Variants in SMPDL3A observed in about 807,000 individuals in gnomAD.
SMPDL3A encodes sphingomyelin phosphodiesterase acid like 3A.
SMPDL3A carries 39 observed loss-of-function variants against 38.5 expected under a neutral mutation model. The observed-to-expected ratio is 1.01, with a 90% CI of 0.78 to 1.32. The LOEUF (loss-of-function observed/expected upper bound fraction) is 1.32. SMPDL3A is among the 40% of genes most tolerant of loss of function. SMPDL3A has a pLI of 0.00. For synonymous variants in SMPDL3A, 180 were observed against 194.3 expected, an observed-to-expected ratio of 0.93 and a Z score of 0.61; for missense variants, 502 against 536.2, an observed-to-expected ratio of 0.94 and a Z score of 0.63.
In SMPDL3A at chr6:122,809,435, A is replaced by G. The variant is rs1244155528; in HGVS notation, c.*27A>G. On this transcript the variant is annotated 3_prime_UTR_variant, in exon 8 of 8. Coordinates refer to ENST00000368440, the MANE Select transcript of SMPDL3A (RefSeq NM_006714.5). Reference sequence around the variant, plus strand: ...ATTTCACAGTTTTTGCTAATAGAAAATGCTGATTCTGATTCTGAGATCAAT... The same window carrying G: ...ATTTCACAGTTTTTGCTAATAGAAAGTGCTGATTCTGATTCTGAGATCAAT... 3 of 1,500,266 alleles carry G rather than the reference A, an allele frequency of 2.0e-6. No individual in the cohort carries two copies. Among genetic ancestry groups the G allele is most frequent in the East Asian group, 2.3e-5 (1 of 43,926 alleles). 92.9% of individuals were successfully genotyped at this position (1,500,266 alleles called of 1,614,324 possible). A position where few individuals can be genotyped will look rare whatever the true frequency, so the allele number is the denominator to read the frequency against.
At chr6:122,790,934 T>TTCC in intron 1 of SMPDL3A, among the ~76,000 whole-genome samples, 1 of 152,290 alleles carries the variant, frequency 6.6e-6, no homozygotes, top group South Asian at 2.1e-4. Context: ...GAAGAGGGGT[T>TTCC]ACTGGAGTTC....
At chr6:122,794,965 C>G (rs1339331978) in intron 1 of SMPDL3A, among the ~76,000 whole-genome samples, 8 of 152,142 alleles carry the variant, frequency 5.3e-5, no homozygotes. Flanking sequence ...AATTTTTCTA[C>G]AAGAAGAATG....
chr6:122,797,399 A>T (rs1380067368), intron 3 of SMPDL3A: 1 of 99,680 alleles, frequency 1.0e-5, no homozygotes, highest in Non-Finnish European at 2.2e-5. Context: ...GCTAGACTGT[A>T]AATAAAAACA....
chr6:122,809,617 T>G lies in SMPDL3A; in HGVS notation c.*209T>G. The G allele has an allele frequency of 2.4e-6, 1 of 416,608 alleles. No homozygotes were observed. The allele number at this position is 416,608 out of a possible 1,614,324, so 25.8% of individuals were successfully genotyped here. A position where few individuals can be genotyped will look rare whatever the true frequency, so the allele number is the denominator to read the frequency against. ...TTTAAAGTGCTCATTAATAGAATGA[T>G]GGATGTAAATTGGATGTAAATATTC... On this transcript the variant is annotated 3_prime_UTR_variant, in exon 8 of 8. Transcript: ENST00000368440.
intron 4 of SMPDL3A, among the ~76,000 whole-genome samples, chr6:122,801,826 G>A (rs1298783606): frequency 6.6e-6 from 1 of 152,208 alleles, no homozygotes; most frequent in Non-Finnish European, 1.5e-5. Flanking sequence ...ACTTTGAGGT[G>A]CTTGGGAAAG....
chr6:122,798,124 T>G (rs1781312091), intron 3 of SMPDL3A, among the ~76,000 whole-genome samples: 1 of 152,220 alleles, frequency 6.6e-6, no homozygotes. Context: ...GTTTTGATTA[T>G]TTTTAGTTAA....
chr6:122,808,632 TTCCTTCCTTCCCCCCCTCC>T (rs778184479), intron 7 of SMPDL3A, among the ~76,000 whole-genome samples: 18,984 of 82,020 alleles, frequency 0.23, 1,683 homozygotes, highest in East Asian at 0.47. Context: ...CCTTCCTTCC[TTCCTTCCTTCCCCCCCTCC>T]TCCCCCCTCC....
chr6:122,792,236 T>G (rs1781101565), intron 1 of SMPDL3A, among the ~76,000 whole-genome samples: 1 of 152,214 alleles, frequency 6.6e-6, no homozygotes. Flanking sequence ...TAAAGACATC[T>G]TTCAGTGAAT....
intron 1 of SMPDL3A, among the ~76,000 whole-genome samples, chr6:122,791,920 C>G (rs1001734106): frequency 2.0e-5 from 3 of 152,196 alleles, no homozygotes; most frequent in African/African-American, 7.2e-5. Flanking sequence ...GTCTCAATTT[C>G]CTGACCTCGT....
intron 4 of SMPDL3A, among the ~76,000 whole-genome samples, 184 bp downstream of exon 4, chr6:122,801,590 T>G (rs1205126811): frequency 6.6e-6 from 1 of 152,220 alleles, no homozygotes; most frequent in Non-Finnish European, 1.5e-5. Context: ...TGCAGGGAGC[T>G]CTTCCTGTTT....
intron 4 of SMPDL3A, 102 bp from the exon 5 acceptor site, chr6:122,803,562 C>T: frequency 1.3e-6 from 1 of 792,638 alleles, no homozygotes; most frequent in African/African-American, 1.7e-5. Flanking sequence ...GAGAAATAAG[C>T]ACCAACCTCC....
rs756885402 is a variant in SMPDL3A at position 122,806,279 on chromosome 6, G to T, written c.966G>T (p.Val322=). The change falls in exon 7 of 8, where the codon GTG becomes GTT. Residue 322 remains valine (V), a synonymous_variant. Coordinates refer to ENST00000368440, the MANE Select transcript of SMPDL3A (RefSeq NM_006714.5). ...SLFVAPAVTP[V]KSVLEKQTNN... is the part of the protein sequence containing the mutation. ...TTGTGGCTCCTGCTGTTACACCAGT[G>T]AAGAGTGTTTTAGAAAAACAGACCA... is the stretch of plus-strand genomic sequence containing the variant. The T allele has an allele frequency of 6.2e-7, 1 of 1,613,406 alleles. No individual in the cohort carries two copies. The highest frequency in any genetic ancestry group is 1.1e-5 in the South Asian group (1 of 91,006).
intron 7 of SMPDL3A, 108 bp downstream of exon 7, chr6:122,806,465 T>C (rs189083444): frequency 9.0e-7 from 1 of 1,108,596 alleles, no homozygotes; most frequent in African/African-American, 1.6e-5. Flanking sequence ...GTATTTTATG[T>C]TGAAATCTCC....
At chr6:122,807,194 C>G (rs191423140) in intron 7 of SMPDL3A, among the ~76,000 whole-genome samples, 2 of 152,076 alleles carry the variant, frequency 1.3e-5, no homozygotes, top group East Asian at 3.9e-4. Flanking sequence ...AGCCACTGGG[C>G]ACACCCAAAA....
At chr6:122,795,575 T>A (rs1196119818) in intron 1 of SMPDL3A, 102 bp from the exon 2 acceptor site, 1 of 830,262 alleles carries the variant, frequency 1.2e-6, no homozygotes, top group Non-Finnish European at 1.9e-6. Context: ...CTTTCCTCCA[T>A]CACAGGGAGG....
intron 1 of SMPDL3A, among the ~76,000 whole-genome samples, chr6:122,793,539 C>T (rs1036780850): frequency 1.3e-4 from 20 of 152,110 alleles, no homozygotes; most frequent in African/African-American, 4.6e-4. Flanking sequence ...ACTTTTTGTG[C>T]TGGGTAAAGT....
chr6:122,801,406 G>A lies in SMPDL3A; in HGVS notation c.568G>A (p.Gly190Ser), dbSNP rs1030327791. The A allele has an allele frequency of 1.9e-6, 3 of 1,588,150 alleles. No individual in the cohort carries two copies. ...DEEAISTLRK[G>S]GFYSQKVTTN... ...AGAAGCTATTAGTACTTTAAGGAAA[G>A]GTAAGTGAAAGACTTAGTTATTCCT... The change falls in exon 4 of 8, where the codon GGT becomes AGT. Residue 190 changes from glycine to serine, a missense_variant and splice_region_variant. By Grantham distance (56) the Gly-to-Ser change is moderately conservative. Transcript: ENST00000368440.
intron 3 of SMPDL3A, among the ~76,000 whole-genome samples, chr6:122,799,015 G>A (rs891834288): frequency 2.6e-5 from 4 of 152,172 alleles, no homozygotes; most frequent in African/African-American, 9.7e-5. Flanking sequence ...AGAGGCTGAT[G>A]TCTGAGATCT....
At chr6:122,789,580 C>A (rs1375935698) in intron 1 of SMPDL3A, 122 bp downstream of exon 1, 22 of 948,516 alleles carry the variant, frequency 2.3e-5, no homozygotes, top group South Asian at 1.4e-4. Context: ...GCTAGCGGGG[C>A]CCCTGACGCG....
Sources: gnomAD v4.1 joint callset for allele counts (sites outside exome capture counted in the v4.1 genomes callset) on GRCh38, gnomAD v4.1.1 for gene constraint, MANE v1.5 for transcripts, NCBI Gene and HGNC (gene_info 2026-07-23, HGNC 2026-07-21) for gene names.